Variants in UGT2A2 observed in about 807,000 individuals in gnomAD.
The protein encoded by UGT2A2 is UDP-glucuronosyltransferase 2A2.
Under a neutral mutation model 50.7 loss-of-function variants are expected in UGT2A2, and 60 were observed. The ratio of observed to expected loss-of-function variants is 1.18; its 90% CI spans 0.96 to 1.47. The LOEUF (loss-of-function observed/expected upper bound fraction) is 1.47, where lower values mean the gene tolerates loss of function less well. Ranked by LOEUF, UGT2A2 falls within the 40% of genes most tolerant of loss-of-function variation. The pLI is 0.00. For missense variants in UGT2A2, 762 were observed against 634.0 expected (o/e 1.20, Z -2.17); for synonymous variants, 242 against 214.6 (o/e 1.13, Z -1.11).
chr4:69,599,365 C>T lies in UGT2A2; in HGVS notation c.772G>A (p.Gly258Arg). 1 of 1,613,612 alleles carries T rather than the reference C, an allele frequency of 6.2e-7. No homozygotes were observed. ...CGGATTAACCAAATTTCAGCTTTCC[C>T]CATAGTCTCACATAACGTAGTGGGT... ...GRPTTLCETMGKAEIWLIRTY... is the reference protein window; with the variant it reads ...GRPTTLCETMRKAEIWLIRTY... The change falls in exon 2 of 6, where the codon GGG (glycine) becomes AGG (arginine). Residue 258 changes from glycine to arginine, a missense_variant. Physicochemically the swap from Gly to Arg is moderately radical, Grantham distance 125. Coordinates refer to ENST00000604629, the MANE Select transcript of UGT2A2 (RefSeq NM_001105677.2).
intron 1 of UGT2A2, among the ~76,000 whole-genome samples, chr4:69,636,344 G>A (rs556783077): frequency 2.0e-5 from 3 of 151,992 alleles, no homozygotes; most frequent in Non-Finnish European, 4.4e-5. Flanking sequence ...TAATCCTTTT[G>A]TTTGTGATGG....
intron 3 of UGT2A2, 85 bp from the exon 4 acceptor site, chr4:69,595,334 C>T (rs1460441463): frequency 2.1e-5 from 31 of 1,498,530 alleles, no homozygotes; most frequent in Non-Finnish European, 2.7e-5. Flanking sequence ...AATCATTTAG[C>T]CAGCTACTTG....
rs555877556 is a variant in UGT2A2, at chr4:69,599,490, G to GA, written c.743-97dup. 144 of 1,539,128 alleles carry GA rather than the reference G, an allele frequency of 9.4e-5. 2 individuals are homozygous for GA. The South Asian group carries it at 1.6e-3, about 18-fold the overall frequency. On this transcript the variant is annotated intron_variant, in intron 1 of 5. Transcript: ENST00000604629. ...CAGTAATTTCCTGATAAGCTGTTAA[G>GA]AAAAAACTGAATTAGGTCTTCTAGA...
rs577203151 is a variant in UGT2A2, at chr4:69,638,903, A to G, written c.738T>C (p.Ile246=). The G allele has an allele frequency of 6.0e-5, 94 of 1,576,396 alleles. No homozygotes were observed. Among genetic ancestry groups the G allele is most frequent in the Non-Finnish European group, 8.0e-5 (93 of 1,161,908 alleles). ...WGEWNSYYSK[I]LGRPTTLCET... Reference sequence around the variant, plus strand: ...AAGAGAAAATTTTAGACTTACCTAAAATTTTGCTATAGTATGAATTCCATT... The same window carrying G: ...AAGAGAAAATTTTAGACTTACCTAAGATTTTGCTATAGTATGAATTCCATT... Residue 246 remains isoleucine, a synonymous_variant, in exon 1 of 6, where the codon ATT becomes ATC. Coordinates refer to ENST00000604629, the MANE Select transcript of UGT2A2 (RefSeq NM_001105677.2).
rs199540980 is a variant in UGT2A2, at chr4:69,596,372, C to T, written c.901G>A (p.Glu301Lys). 1 of 1,592,898 alleles carries T rather than the reference C, an allele frequency of 6.3e-7. No individual in the cohort carries two copies. The highest frequency in any genetic ancestry group is 2.3e-5 in the East Asian group (1 of 44,288). Residue 301 changes from glutamate to lysine, a missense_variant, in exon 3 of 6, where the codon GAA (glutamate) becomes AAA (lysine). Physicochemically the swap from Glu to Lys is moderately conservative, Grantham distance 56. Coordinates refer to ENST00000604629, the MANE Select transcript of UGT2A2 (RefSeq NM_001105677.2). ...TTTTTACCTGAGCTCTGGATAAATT[C>T]TTCCATTTCCTGCATACATAATATA... ...PAKPLPKEMEEFIQSSGKNGV... is the reference protein window; with the variant it reads ...PAKPLPKEMEKFIQSSGKNGV...
chr4:69,624,844 AT>A (rs932667990), intron 1 of UGT2A2, among the ~76,000 whole-genome samples: 15 of 151,414 alleles, frequency 9.9e-5, no homozygotes, highest in Admixed American at 2.0e-4. Flanking sequence ...ATTAAATAAC[AT>A]TTTTTAAGTC....
Position 69,589,362 on chromosome 4 carries a change from T to G in UGT2A2, c.*10A>C. On this transcript the variant is annotated 3_prime_UTR_variant, in exon 6 of 6. Coordinates refer to ENST00000604629, the MANE Select transcript of UGT2A2 (RefSeq NM_001105677.2). ...ACTTAAAAATATATATATTTCCTCT[T>G]TTTCTTGACCTATTCTCTTTTTTTC... 1.2e-6 allele frequency: 2 copies of G among 1,600,022 alleles called. No individual in the cohort carries two copies. The highest frequency in any genetic ancestry group is 1.7e-6 in the Non-Finnish European group (2 of 1,173,722).
At chr4:69,635,646 A>G (rs1035507247) in intron 1 of UGT2A2, 3 of 206,554 alleles carry the variant, frequency 1.5e-5, no homozygotes, top group Non-Finnish European at 3.1e-5. Flanking sequence ...CCTCGCCAAC[A>G]TGGTGAAACC....
intron 1 of UGT2A2, among the ~76,000 whole-genome samples, chr4:69,638,190 T>C (rs1721826197): frequency 6.6e-6 from 1 of 152,050 alleles, no homozygotes; most frequent in Admixed American, 6.6e-5. Flanking sequence ...TCCCGAGTAC[T>C]AAGAGATCTG....
chr4:69,606,538 C>T lies in UGT2A2; in HGVS notation c.743-7144G>A, dbSNP rs1392694833. Among the ~76,000 whole-genome samples, 5 of 136,412 alleles carry T rather than the reference C, an allele frequency of 3.7e-5. 1 individual carries two copies. The highest frequency in any genetic ancestry group is 7.8e-5 in the Non-Finnish European group (5 of 64,254). 89.5% of individuals were successfully genotyped at this position (136,412 alleles called of 152,430 possible). A position where few individuals can be genotyped will look rare whatever the true frequency, so the allele number is the denominator to read the frequency against. ...AAGACAGGGATGCCCTCTCTCACCA[C>T]TCCTATTCAACATAGTGTTGGAAGT... is the stretch of plus-strand genomic sequence containing the variant. On this transcript the variant is annotated intron_variant, in intron 1 of 5. Coordinates refer to ENST00000604629, the MANE Select transcript of UGT2A2 (RefSeq NM_001105677.2).
At chr4:69,626,481 C>T (rs1721067077) in intron 1 of UGT2A2, among the ~76,000 whole-genome samples, 1 of 151,430 alleles carries the variant, frequency 6.6e-6, no homozygotes, top group African/African-American at 2.4e-5. Context: ...CATTCGTGTG[C>T]AGATCAGTAT....
intron 1 of UGT2A2, among the ~76,000 whole-genome samples, chr4:69,614,188 C>T (rs1353763111): frequency 2.0e-5 from 3 of 151,622 alleles, no homozygotes; most frequent in Non-Finnish European, 4.4e-5. Context: ...AACAGTGAAC[C>T]ATATGTTAAA....
At chr4:69,589,724 C>T in intron 5 of UGT2A2, 73 bp from the exon 6 acceptor site, 1 of 1,528,964 alleles carries the variant, frequency 6.5e-7, no homozygotes, top group Non-Finnish European at 8.8e-7. Context: ...ATATGTGATA[C>T]ACTTTTGCTC....
At chr4:69,630,103 G>C (rs868675877) in intron 1 of UGT2A2, among the ~76,000 whole-genome samples, 1 of 151,894 alleles carries the variant, frequency 6.6e-6, no homozygotes, top group African/African-American at 2.4e-5. Context: ...TATATTAAAA[G>C]ATTATATTAA....
At chr4:69,596,157 G>T (rs946596291) in intron 3 of UGT2A2, 93 bp downstream of exon 3, 1 of 1,362,968 alleles carries the variant, frequency 7.3e-7, no homozygotes, top group African/African-American at 1.5e-5. Flanking sequence ...AGTGTATAAT[G>T]AGTTTTGATT....
rs769687875 is a variant in UGT2A2 at position 69,589,654 on chromosome 4, A to G, written c.1332-3T>C. 12 of 1,592,324 alleles carry G rather than the reference A, an allele frequency of 7.5e-6. No homozygotes were observed. The Admixed American group carries it at 1.4e-4, about 19-fold the overall frequency. ...ACCTCATAGCATTCTCTTTATAACT[A>G]GAAGACAAATAAATAGGCAGAAATT... On this transcript the variant is annotated splice_region_variant and splice_polypyrimidine_tract_variant and intron_variant, in intron 5 of 5. Transcript: ENST00000604629.
rs759623762 is a variant in UGT2A2 at position 69,639,426 on chromosome 4, G to C, written c.215C>G (p.Ser72Cys). ...LASSATLFIN[S>C]NPDSPVNFEV... ...AAAATTCACAGGAGAATCGGGATTG[G>C]AGTTGATGAATAGAGTTGCTGATGA... The change falls in exon 1 of 6, where the codon TCC (serine) becomes TGC (cysteine). Residue 72 changes from serine to cysteine, a missense_variant. By Grantham distance (112) the Ser-to-Cys change is moderately radical. Coordinates refer to ENST00000604629, the MANE Select transcript of UGT2A2 (RefSeq NM_001105677.2). 4 of 1,613,304 alleles carry C rather than the reference G, an allele frequency of 2.5e-6. No individual in the cohort carries two copies. The South Asian group carries it at 4.4e-5, about 18-fold the overall frequency.
intron 1 of UGT2A2, among the ~76,000 whole-genome samples, chr4:69,619,822 A>G (rs1720638624): frequency 6.6e-6 from 1 of 152,088 alleles, no homozygotes; most frequent in South Asian, 2.1e-4. Context: ...AATAGGCTTT[A>G]TCTGCAGAAG....
intron 1 of UGT2A2, among the ~76,000 whole-genome samples, chr4:69,600,569 G>A (rs1037642484): frequency 1.3e-5 from 2 of 152,162 alleles, no homozygotes; most frequent in African/African-American, 2.4e-5. Context: ...ATCTCAGTGG[G>A]TGTGTTAGGC....
Sources: allele counts gnomAD v4.1 joint callset (sites outside exome capture counted in the v4.1 genomes callset), GRCh38; gene constraint gnomAD v4.1.1; transcripts MANE v1.5; gene names NCBI Gene and HGNC (gene_info 2026-07-23, HGNC 2026-07-21).